Variants in IPCEF1 observed in about 807,000 individuals in gnomAD.
The protein encoded by IPCEF1 is interactor protein for cytohesin exchange factors 1.
IPCEF1 carries 31 observed loss-of-function variants against 50.9 expected under a neutral mutation model. The ratio of observed to expected loss-of-function variants is 0.61; its 90% CI spans 0.46 to 0.82. The LOEUF (loss-of-function observed/expected upper bound fraction) is 0.82, where lower values mean the gene tolerates loss of function less well. Among genes scored for constraint, IPCEF1 ranks in the 40% least tolerant of loss-of-function variants. IPCEF1 has a pLI of 0.00. For missense variants in IPCEF1, 458 were observed against 514.0 expected, an observed-to-expected ratio of 0.89 and a Z score of 1.05; for synonymous variants, 181 against 192.0, an observed-to-expected ratio of 0.94 and a Z score of 0.47.
intron 5 of IPCEF1, among the ~76,000 whole-genome samples, chr6:154,231,397 G>T (rs1410697850): frequency 6.6e-6 from 1 of 152,182 alleles, no homozygotes; most frequent in Non-Finnish European, 1.5e-5. Context: ...CCACTTCTGG[G>T]ATCTGTCCTA....
In IPCEF1 at chr6:154,285,947, G is replaced by T. The variant is rs116741353; in HGVS notation, c.-18+3766C>A. Among the ~76,000 whole-genome samples the T allele has an allele frequency of 5.9e-3, 891 of 152,252 alleles. 14 individuals are homozygous for T. The highest frequency in any genetic ancestry group is 0.02 in the African/African-American group (850 of 41,532). ...CATAGGCCATAGCAAGTAAAAAATA[G>T]TAAGAAAAATATAACCTGATGTTCA... On this transcript the variant is annotated intron_variant, in intron 2 of 11. Coordinates refer to ENST00000367220, the MANE Select transcript of IPCEF1 (RefSeq NM_001130700.2).
At chr6:154,339,575 TTTTGTTTG>T (rs71268488) in intron 1 of IPCEF1, among the ~76,000 whole-genome samples, 1,573 of 149,630 alleles carry the variant, frequency 0.011, 23 homozygotes, top group African/African-American at 0.036. Flanking sequence ...GCCTGGCGTT[TTTTGTTTG>T]TTTGTTTGTT....
chr6:154,166,659 C>T (rs556874790), intron 11 of IPCEF1, among the ~76,000 whole-genome samples: 37 of 152,230 alleles, frequency 2.4e-4, no homozygotes, highest in African/African-American at 7.7e-4. Context: ...GTTTCTACAC[C>T]GGTAGAGTCC....
At chr6:154,174,406 G>A (rs1800129639) in intron 10 of IPCEF1, among the ~76,000 whole-genome samples, 1 of 152,114 alleles carries the variant, frequency 6.6e-6, no homozygotes, top group Admixed American at 6.5e-5. Context: ...ACCCATCAGT[G>A]TGCTATATTC....
rs1297165210 is a variant in IPCEF1 at position 154,156,314 on chromosome 6, C to G, written c.*3514G>C. On this transcript the variant is annotated 3_prime_UTR_variant, in exon 12 of 12. Coordinates refer to ENST00000367220, the MANE Select transcript of IPCEF1 (RefSeq NM_001130700.2). The stretch of plus-strand genomic sequence containing the variant: ...ACCAGGGCCAGCCGTATGCTAAGCC[C>G]AGTGCAATGAAACACACGCTCCCAG... 6.6e-6 allele frequency: 1 copy of G among 152,232 alleles called. No homozygotes were observed. Among genetic ancestry groups the G allele is most frequent in the Non-Finnish European group, 1.5e-5 (1 of 68,084 alleles). 9.4% of individuals were successfully genotyped at this position (152,232 alleles called of 1,614,324 possible).
At chr6:154,318,782 C>T (rs1368177302) in intron 1 of IPCEF1, among the ~76,000 whole-genome samples, 3 of 151,344 alleles carry the variant, frequency 2.0e-5, no homozygotes, top group Admixed American at 6.6e-5. Flanking sequence ...CACCCAATGT[C>T]AATAATTATT....
At chr6:154,182,164 G>A (rs1800942197) in intron 10 of IPCEF1, among the ~76,000 whole-genome samples, 1 of 152,166 alleles carries the variant, frequency 6.6e-6, no homozygotes, top group Admixed American at 6.5e-5. Context: ...GTTTTTACTT[G>A]TGCTCTCATG....
At chr6:154,331,607 G>T (rs182379422) in intron 1 of IPCEF1, among the ~76,000 whole-genome samples, 59 of 152,232 alleles carry the variant, frequency 3.9e-4, no homozygotes, top group African/African-American at 1.3e-3. Context: ...GAAAACACCC[G>T]AAGCTGGTGA....
chr6:154,313,240 T>C (rs1010175517), intron 1 of IPCEF1, among the ~76,000 whole-genome samples: 4 of 151,538 alleles, frequency 2.6e-5, no homozygotes, highest in African/African-American at 9.7e-5. Context: ...AGCGTAGTAG[T>C]GGTGGGTGCC....
intron 1 of IPCEF1, among the ~76,000 whole-genome samples, chr6:154,323,782 G>C (rs964570313): frequency 6.6e-6 from 1 of 152,088 alleles, no homozygotes; most frequent in African/African-American, 2.4e-5. Flanking sequence ...GTGAAACCCT[G>C]TCTCTACTAA....
At chr6:154,345,279 C>T (rs1784006052) in intron 1 of IPCEF1, among the ~76,000 whole-genome samples, 1 of 152,124 alleles carries the variant, frequency 6.6e-6, no homozygotes, top group South Asian at 2.1e-4. Flanking sequence ...TTCACAATGC[C>T]TAATACAGAG....
chr6:154,253,696 T>G (rs9479800), intron 3 of IPCEF1, among the ~76,000 whole-genome samples: 54,862 of 151,780 alleles, frequency 0.36, 10,293 homozygotes, highest in Middle Eastern at 0.47. Flanking sequence ...TTTTTAGATA[T>G]TCCCACGTTT....
rs745932303 is a variant in IPCEF1, at chr6:154,246,774, A to G, written c.77-14T>C. The G allele has an allele frequency of 2.5e-6, 4 of 1,613,258 alleles. No homozygotes were observed. Among genetic ancestry groups the G allele is most frequent in the Non-Finnish European group, 1.7e-6 (2 of 1,179,508 alleles). ...TCGTGAGAAAACCTGCAATGATTAC[A>G]TGAAGAGGTAGATAATGTATTACCC... On this transcript the variant is annotated splice_polypyrimidine_tract_variant and intron_variant, in intron 4 of 11. Coordinates refer to ENST00000367220, the MANE Select transcript of IPCEF1 (RefSeq NM_001130700.2).
chr6:154,326,536 C>T (rs1046614438), intron 1 of IPCEF1, among the ~76,000 whole-genome samples: 3 of 151,940 alleles, frequency 2.0e-5, no homozygotes, highest in Non-Finnish European at 4.4e-5. Flanking sequence ...TCAAGGAGGC[C>T]TAAAACCACT....
At chr6:154,204,619 G>C (rs1334079459) in intron 9 of IPCEF1, among the ~76,000 whole-genome samples, 1 of 151,888 alleles carries the variant, frequency 6.6e-6, no homozygotes, top group Non-Finnish European at 1.5e-5. Context: ...TGTGCTGACC[G>C]AAGATCTACT....
chr6:154,189,649 G>A (rs1801690212), intron 10 of IPCEF1, among the ~76,000 whole-genome samples: 1 of 152,160 alleles, frequency 6.6e-6, no homozygotes, highest in Non-Finnish European at 1.5e-5. Flanking sequence ...CATTACACTA[G>A]TATAATGAAT....
chr6:154,288,577 C>T (rs1382695159), intron 2 of IPCEF1, among the ~76,000 whole-genome samples: 1 of 148,932 alleles, frequency 6.7e-6, no homozygotes, highest in Non-Finnish European at 1.5e-5. Context: ...GCAGGGGAAT[C>T]GCTTGAACCC....
intron 1 of IPCEF1, among the ~76,000 whole-genome samples, chr6:154,347,832 C>T (rs1164023889): frequency 6.6e-6 from 1 of 152,134 alleles, no homozygotes. Flanking sequence ...GGGGAGTGGA[C>T]AGTGGTTTGG....
intron 1 of IPCEF1, among the ~76,000 whole-genome samples, chr6:154,323,232 C>G (rs951092884): frequency 2.0e-5 from 3 of 152,038 alleles, no homozygotes; most frequent in Non-Finnish European, 4.4e-5. Flanking sequence ...GGAATCCACA[C>G]AGCTGTCCCC....
Sources: gnomAD v4.1 joint callset for allele counts (sites outside exome capture counted in the v4.1 genomes callset) on GRCh38, gnomAD v4.1.1 for gene constraint, MANE v1.5 for transcripts, NCBI Gene and HGNC (gene_info 2026-07-23, HGNC 2026-07-21) for gene names.